Variants in SCN8A observed in about 807,000 individuals in gnomAD.
SCN8A encodes the protein sodium voltage-gated channel alpha subunit 8, also known as sodium channel protein type 8 subunit alpha.
Under a neutral mutation model 184.1 loss-of-function variants are expected in SCN8A, and 30 were observed. The observed-to-expected ratio is 0.16, with a 90% confidence interval of 0.12 to 0.22. The LOEUF (loss-of-function observed/expected upper bound fraction) is 0.22. Ranked by LOEUF, SCN8A falls within the 10% of genes least tolerant of loss-of-function variation. The pLI, the probability that SCN8A is intolerant of heterozygous loss-of-function variation, is 1.00. For missense variants in SCN8A, 1,057 were observed against 2,498.9 expected (o/e 0.42, Z 12.30); for synonymous variants, 852 against 907.0 (o/e 0.94, Z 1.09).
chr12:51,710,794 C>G (rs1941862191), intron 11 of SCN8A, among the ~76,000 whole-genome samples: 2 of 152,166 alleles, frequency 1.3e-5, no homozygotes, highest in South Asian at 4.1e-4. Flanking sequence ...CTCCTGTTTT[C>G]TAGTTGGAAA....
chr12:51,751,831 T>C, intron 14 of SCN8A, among the ~76,000 whole-genome samples: 1 of 152,230 alleles, frequency 6.6e-6, no homozygotes, highest in Non-Finnish European at 1.5e-5. Flanking sequence ...AAAACCAATG[T>C]TGGCGACAGA....
intron 2 of SCN8A, among the ~76,000 whole-genome samples, chr12:51,671,635 C>T (rs546314346): frequency 6.6e-6 from 1 of 152,190 alleles, no homozygotes; most frequent in East Asian, 1.9e-4. Flanking sequence ...TAATATCGAT[C>T]ATCTCTGACA....
Position 51,760,758 on chromosome 12 carries a change from C to T in SCN8A, c.2371-1745C>T, listed in dbSNP as rs1942750897. 3.3e-5 allele frequency among the ~76,000 whole-genome samples: 5 copies of T among 152,166 alleles called. No individual in the cohort carries two copies. The South Asian group carries it at 1.0e-3, about 32-fold the overall frequency. ...ACTTTGATTTTACTTAACTGGATCTCTTTGTGGAATTTTTTTTTCAATTTT... is the reference window on the plus strand; with the variant it reads ...ACTTTGATTTTACTTAACTGGATCTTTTTGTGGAATTTTTTTTTCAATTTT... On this transcript the variant is annotated intron_variant, in intron 14 of 26. Transcript: ENST00000627620.
At chr12:51,677,902 C>G (rs545750718) in intron 2 of SCN8A, among the ~76,000 whole-genome samples, 34 of 152,292 alleles carry the variant, frequency 2.2e-4, no homozygotes, top group African/African-American at 7.9e-4. Context: ...TCACAAAGAT[C>G]TAATTTGAGA....
chr12:51,701,310 G>A lies in SCN8A; in HGVS notation c.992+103G>A, dbSNP rs1941683540. On this transcript the variant is annotated intron_variant, in intron 8 of 26. Coordinates refer to ENST00000627620, the MANE Select transcript of SCN8A (RefSeq NM_001330260.2). ...GTTTACTTTTCTTTGTGCTCAAGTA[G>A]TAGACCTTACAATTGCATCTGACCT... The A allele has an allele frequency of 1.4e-5, 9 of 646,668 alleles. No individual in the cohort carries two copies. The South Asian group carries it at 3.2e-4, about 23-fold the overall frequency. 40.1% of individuals were successfully genotyped at this position (646,668 alleles called of 1,614,324 possible). A position where few individuals can be genotyped will look rare whatever the true frequency, so the allele number is the denominator to read the frequency against.
intron 2 of SCN8A, among the ~76,000 whole-genome samples, chr12:51,664,264 G>A (rs1440863377): frequency 1.3e-5 from 2 of 151,552 alleles, no homozygotes; most frequent in Non-Finnish European, 2.9e-5. Flanking sequence ...CAGGAGTGCA[G>A]TGGTGCGGTC....
At chr12:51,764,549 C>T (rs982090526) in intron 15 of SCN8A, among the ~76,000 whole-genome samples, 1 of 152,064 alleles carries the variant, frequency 6.6e-6, no homozygotes, top group African/African-American at 2.4e-5. Flanking sequence ...GCAGGAGAAT[C>T]ACTTGAACCC....
intron 25 of SCN8A, among the ~76,000 whole-genome samples, chr12:51,792,168 T>TA (rs1834770735): frequency 6.6e-6 from 1 of 152,006 alleles, no homozygotes; most frequent in Non-Finnish European, 1.5e-5. Flanking sequence ...AAAGCCTCAC[T>TA]AAGGAGGGTC....
chr12:51,751,661 G>A lies in SCN8A; in HGVS notation c.2370+68G>A, dbSNP rs1942597435. On this transcript the variant is annotated intron_variant, in intron 14 of 26. Transcript: ENST00000627620. Reference sequence around the variant, plus strand: ...TTTTGCCTGTAGGATATCTTTTTCTGGTACTGAAAGCTGGAGTTTCTTTGA... The same window carrying A: ...TTTTGCCTGTAGGATATCTTTTTCTAGTACTGAAAGCTGGAGTTTCTTTGA... 1.1e-5 allele frequency: 13 copies of A among 1,181,020 alleles called. No homozygotes were observed. In the South Asian group the frequency reaches 1.7e-4, roughly 15 times the overall value. The allele number at this position is 1,181,020 out of a possible 1,614,324, so 73.2% of individuals were successfully genotyped here. A position where few individuals can be genotyped will look rare whatever the true frequency, so the allele number is the denominator to read the frequency against.
At chr12:51,756,756 G>A (rs999033088) in intron 14 of SCN8A, among the ~76,000 whole-genome samples, 11 of 152,296 alleles carry the variant, frequency 7.2e-5, no homozygotes, top group African/African-American at 2.6e-4. Context: ...GCCCTTCCTG[G>A]GGTTCCAGCA....
chr12:51,629,166 G>A (rs890062201), intron 1 of SCN8A, among the ~76,000 whole-genome samples: 1 of 152,170 alleles, frequency 6.6e-6, no homozygotes, highest in African/African-American at 2.4e-5. Flanking sequence ...CAGATGAAAT[G>A]GGCTGCTTAG....
chr12:51,660,851 T>A (rs1220026123), intron 1 of SCN8A, among the ~76,000 whole-genome samples: 2 of 152,140 alleles, frequency 1.3e-5, no homozygotes, highest in Non-Finnish European at 2.9e-5. Flanking sequence ...AAATAATTAG[T>A]CAAGGCTGAG....
In SCN8A at chr12:51,721,875, C is replaced by T. The variant is rs1942072674; in HGVS notation, c.1965C>T (p.Pro655=). The change falls in exon 12 of 27, where the codon CCC becomes CCT. Residue 655 remains proline, a synonymous_variant. Coordinates refer to ENST00000627620, the MANE Select transcript of SCN8A (RefSeq NM_001330260.2). ...CNGVVSLIGG[P]GSHIGGRLLP... Reference sequence around the variant, plus strand: ...GCGTGGTGTCCCTCATCGGCGGCCCCGGCTCCCACATCGGCGGGCGTCTCC... The same window carrying T: ...GCGTGGTGTCCCTCATCGGCGGCCCTGGCTCCCACATCGGCGGGCGTCTCC... 5 of 1,601,706 alleles carry T rather than the reference C, an allele frequency of 3.1e-6. No individual in the cohort carries two copies. The highest frequency in any genetic ancestry group is 1.7e-5 in the Admixed American group (1 of 60,002).
chr12:51,704,424 C>T lies in SCN8A; in HGVS notation c.1135-993C>T, dbSNP rs983025474. ...GTGGCTCATGCCTGTAATCCCAGCG[C>T]TTTGGGAGGCCGAGGCAGGTGGATC... On this transcript the variant is annotated intron_variant, in intron 9 of 26. Transcript: ENST00000627620. Among the ~76,000 whole-genome samples, 7 of 151,720 alleles carry T rather than the reference C, an allele frequency of 4.6e-5. 2 individuals carry two copies. The highest frequency in any genetic ancestry group is 4.6e-4 in the Admixed American group (7 of 15,244).
intron 21 of SCN8A, among the ~76,000 whole-genome samples, chr12:51,783,498 T>G (rs1305257513): frequency 1.3e-5 from 2 of 152,216 alleles, no homozygotes; most frequent in Non-Finnish European, 2.9e-5. Context: ...AAGCCTGTCC[T>G]GGGGCACTGA....
chr12:51,792,317 CA>C (rs71092722), intron 25 of SCN8A, among the ~76,000 whole-genome samples: 39,346 of 84,880 alleles, frequency 0.46, 6,408 homozygotes, highest in East Asian at 0.55. Flanking sequence ...CCCATCTGTA[CA>C]AAAAAAAAAA....
At chr12:51,684,012 T>C in intron 2 of SCN8A, 162 bp from the exon 3 acceptor site, 1 of 643,554 alleles carries the variant, frequency 1.6e-6, no homozygotes, top group Non-Finnish European at 2.8e-6. Context: ...GGGAGGGAGG[T>C]GGGGCAAACA....
At chr12:51,597,755 G>T (rs533356798) in intron 1 of SCN8A, among the ~76,000 whole-genome samples, 150 of 152,204 alleles carry the variant, frequency 9.9e-4, no homozygotes, top group African/African-American at 3.3e-3. Flanking sequence ...GGTGTAAATA[G>T]CATTTTTCTT....
At position 51,657,832 on chromosome 12, in the gene SCN8A, A is replaced by G. The variant is rs559674474; in HGVS notation, c.-54-4932A>G. Among the ~76,000 whole-genome samples the G allele has an allele frequency of 7.6e-4, 115 of 152,234 alleles. 1 individual carries two copies. Among genetic ancestry groups the G allele is most frequent in the African/African-American group, 2.4e-3 (100 of 41,560 alleles). ...TAGGGTTCCAGTTTCATTCTTCTGC[A>G]TATGGTTATCCAGTTTTCCCGGCAC... On this transcript the variant is annotated intron_variant, in intron 1 of 26. Transcript: ENST00000627620.
Sources: gnomAD v4.1 joint callset for allele counts (sites outside exome capture counted in the v4.1 genomes callset) on GRCh38, gnomAD v4.1.1 for gene constraint, MANE v1.5 for transcripts, NCBI Gene and HGNC (gene_info 2026-07-23, HGNC 2026-07-21) for gene names.